The following PPM1H variants were observed in gnomAD, a reference collection of about 807,000 sequenced individuals.
PPM1H encodes the protein protein phosphatase 1H.
PPM1H carries 27 observed loss-of-function variants against 54.9 expected under a neutral mutation model. The observed-to-expected ratio is 0.49, with a 90% CI of 0.36 to 0.68. PPM1H has a LOEUF of 0.68. PPM1H is among the 30% of genes least tolerant of loss of function. The probability of loss-of-function intolerance (pLI) is 0.00; values close to 1 mark genes in which losing one functional copy is unlikely to be tolerated. For missense variants in PPM1H, 596 were observed against 667.8 expected, an observed-to-expected ratio of 0.89 and a Z score of 1.19; for synonymous variants, 305 against 270.8, an observed-to-expected ratio of 1.13 and a Z score of -1.24.
chr12:62,735,763 AG>A (rs2076346377), intron 5 of PPM1H, among the ~76,000 whole-genome samples: 1 of 152,212 alleles, frequency 6.6e-6, no homozygotes. Context: ...GACACTTTGC[AG>A]AAGAAGTGAT....
In PPM1H at chr12:62,892,260, G is replaced by A. The variant is rs116033316; in HGVS notation, c.245+42232C>T. 2.7e-3 allele frequency among the ~76,000 whole-genome samples: 411 copies of A among 152,192 alleles called. 2 individuals are homozygous for A. Among genetic ancestry groups the A allele is most frequent in the African/African-American group, 9.7e-3 (401 of 41,524 alleles). On this transcript the variant is annotated intron_variant, in intron 1 of 9. Coordinates refer to ENST00000228705, the MANE Select transcript of PPM1H (RefSeq NM_020700.2). ...GAAGTTTGATAAATTGATGTTCTAC[G>A]CTTCAACAACAGTCCTGTGTAACCT... is the stretch of plus-strand genomic sequence containing the variant.
At chr12:62,806,630 G>A (rs1268389853) in intron 2 of PPM1H, among the ~76,000 whole-genome samples, 18 of 152,124 alleles carry the variant, frequency 1.2e-4, no homozygotes, top group Admixed American at 1.1e-3. Context: ...TTGTTTAAAA[G>A]TGTGTAGCAC....
At chr12:62,819,923 T>C (rs1291510346) in intron 2 of PPM1H, among the ~76,000 whole-genome samples, 1 of 152,102 alleles carries the variant, frequency 6.6e-6, no homozygotes, top group Non-Finnish European at 1.5e-5. Flanking sequence ...TTGGGACTGG[T>C]TGGACAGTGA....
chr12:62,683,581 T>A (rs71465164), intron 8 of PPM1H, among the ~76,000 whole-genome samples: 4,545 of 152,224 alleles, frequency 0.03, 130 homozygotes, highest in Non-Finnish European at 0.045. Context: ...AAATAAGTGA[T>A]CTGGAGTTAT....
chr12:62,904,986 A>G (rs1871263819), intron 1 of PPM1H, among the ~76,000 whole-genome samples: 1 of 152,122 alleles, frequency 6.6e-6, no homozygotes, highest in African/African-American at 2.4e-5. Flanking sequence ...GATAGTGGCT[A>G]AGAGGGGGCT....
At position 62,832,190 on chromosome 12, in the gene PPM1H, G is replaced by A. The variant is rs1868374529; in HGVS notation, c.335C>T (p.Ser112Leu). Residue 112 changes from serine to leucine, a missense_variant, in exon 2 of 10, where the codon TCA becomes TTA. Coordinates refer to ENST00000228705, the MANE Select transcript of PPM1H (RefSeq NM_020700.2). ...CTTGGATGAGTTCCTGTTTGGGGTT[G>A]AGGTCACGGCCCCTGCCTTCTTCTT... ...TVKKKAGAVT[S>L]TPNRNSSKRR... is the part of the protein sequence containing the mutation. The A allele has an allele frequency of 6.2e-7, 1 of 1,613,858 alleles. No individual in the cohort carries two copies. The highest frequency in any genetic ancestry group is 8.5e-7 in the Non-Finnish European group (1 of 1,179,832).
chr12:62,715,342 G>A (rs2076229014), intron 6 of PPM1H, among the ~76,000 whole-genome samples: 1 of 152,060 alleles, frequency 6.6e-6, no homozygotes, highest in Non-Finnish European at 1.5e-5. Flanking sequence ...GGGGGTGATA[G>A]GGAGAGCAAG....
At chr12:62,664,488 A>G (rs1468560195) in intron 9 of PPM1H, among the ~76,000 whole-genome samples, 1 of 152,152 alleles carries the variant, frequency 6.6e-6, no homozygotes, top group Non-Finnish European at 1.5e-5. Flanking sequence ...AGCTATTTCA[A>G]CTTGTTTACT....
chr12:62,819,998 G>A (rs2076892682), intron 2 of PPM1H, among the ~76,000 whole-genome samples: 1 of 152,218 alleles, frequency 6.6e-6, no homozygotes, highest in Non-Finnish European at 1.5e-5. Flanking sequence ...AGCGCAAGGG[G>A]TCGGGGAATT....
intron 6 of PPM1H, among the ~76,000 whole-genome samples, chr12:62,717,215 A>G (rs1204440296): frequency 6.6e-6 from 1 of 152,230 alleles, no homozygotes; most frequent in African/African-American, 2.4e-5. Flanking sequence ...CCTATTTTCA[A>G]ATCAAAAGTT....
At chr12:62,709,333 G>A (rs1483688880) in intron 6 of PPM1H, among the ~76,000 whole-genome samples, 1 of 152,178 alleles carries the variant, frequency 6.6e-6, no homozygotes, top group Non-Finnish European at 1.5e-5. Context: ...AAGGGTTAAT[G>A]CCTGGCACAG....
At chr12:62,662,435 G>A (rs2075889924) in intron 9 of PPM1H, among the ~76,000 whole-genome samples, 1 of 152,116 alleles carries the variant, frequency 6.6e-6, no homozygotes, top group Non-Finnish European at 1.5e-5. Context: ...ACAATTCGAG[G>A]AGGAGACAGA....
chr12:62,647,630 A>G lies in PPM1H; in HGVS notation c.*859T>C, dbSNP rs1344453105. On this transcript the variant is annotated 3_prime_UTR_variant, in exon 10 of 10. Transcript: ENST00000228705. The stretch of plus-strand genomic sequence containing the variant: ...CCACACAGGAAGACCACTGAAGACA[A>G]CAGAGGAACTACTGGTCCACAGAAA... 6.6e-6 allele frequency: 1 copy of G among 152,306 alleles called. No homozygotes were observed. Among genetic ancestry groups the G allele is most frequent in the Non-Finnish European group, 1.5e-5 (1 of 68,090 alleles). The allele number at this position is 152,306 out of a possible 1,614,324, so 9.4% of individuals were successfully genotyped here.
chr12:62,934,315 G>A lies in PPM1H; in HGVS notation c.245+177C>T, dbSNP rs1456498329. On this transcript the variant is annotated intron_variant, in intron 1 of 9. Coordinates refer to ENST00000228705, the MANE Select transcript of PPM1H (RefSeq NM_020700.2). The surrounding 1 kb of genome is among the most constrained non-coding windows in gnomAD (Gnocchi z 4.2). ...ACGCCGCGTCCTTGGGCTGGGGGAA[G>A]AGGGAGTGGGGAGAAGAGGGAAATG... Among the ~76,000 whole-genome samples the A allele has an allele frequency of 6.6e-6, 1 of 152,222 alleles. No individual in the cohort carries two copies. Among genetic ancestry groups the A allele is most frequent in the Non-Finnish European group, 1.5e-5 (1 of 68,036 alleles).
At chr12:62,711,625 G>A (rs770044033) in intron 6 of PPM1H, among the ~76,000 whole-genome samples, 2 of 152,166 alleles carry the variant, frequency 1.3e-5, no homozygotes, top group Admixed American at 1.3e-4. Flanking sequence ...GGGAAGCGCC[G>A]TGTGACTCTG....
intron 8 of PPM1H, among the ~76,000 whole-genome samples, chr12:62,670,122 CAT>C (rs1487104244): frequency 4.0e-5 from 6 of 151,624 alleles, no homozygotes; most frequent in African/African-American, 9.7e-5. Flanking sequence ...GGATTACAGG[CAT>C]GTGCCACCAC....
intron 8 of PPM1H, among the ~76,000 whole-genome samples, chr12:62,668,584 C>T (rs2136614006): frequency 6.6e-6 from 1 of 152,278 alleles, no homozygotes; most frequent in Admixed American, 6.5e-5. Context: ...CCAGCTGGGT[C>T]CCAGCTGGTC....
chr12:62,875,361 T>C (rs1413951085), intron 1 of PPM1H, among the ~76,000 whole-genome samples: 1 of 152,174 alleles, frequency 6.6e-6, no homozygotes, highest in African/African-American at 2.4e-5. Flanking sequence ...CTTGCTCTGA[T>C]CTTAAAAGGT....
At chr12:62,776,947 T>C (rs17098298) in intron 4 of PPM1H, among the ~76,000 whole-genome samples, 14,776 of 152,230 alleles carry the variant, frequency 0.097, 780 homozygotes, top group South Asian at 0.16. Context: ...CAACATCCCT[T>C]CAGGAAACAA....
Sources: allele counts gnomAD v4.1 joint callset (sites outside exome capture counted in the v4.1 genomes callset), GRCh38; gene constraint gnomAD v4.1.1; non-coding constraint Gnocchi (gnomAD v3.1); transcripts MANE v1.5; gene names NCBI Gene and HGNC (gene_info 2026-07-23, HGNC 2026-07-21).